Variants in SNX8 observed in about 807,000 individuals in gnomAD.
The protein encoded by SNX8 is sorting nexin-8.
In SNX8, 25 loss-of-function variants were observed where a neutral mutation model predicts 51.6. The observed-to-expected ratio is 0.48, with a 90% confidence interval of 0.35 to 0.68. The LOEUF is 0.68. Among genes scored for constraint, SNX8 ranks in the 30% least tolerant of loss-of-function variants. The pLI, the probability that SNX8 is intolerant of heterozygous loss-of-function variation, is 0.00. For synonymous variants in SNX8, 324 were observed against 277.0 expected, an observed-to-expected ratio of 1.17 and a Z score of -1.68; for missense variants, 695 against 624.0, an observed-to-expected ratio of 1.11 and a Z score of -1.21.
At chr7:2,352,785 G>A (rs919324338) in intron 1 of SNX8, among the ~76,000 whole-genome samples, 9 of 151,818 alleles carry the variant, frequency 5.9e-5, no homozygotes, top group African/African-American at 1.9e-4. Context: ...GCAGTGAGCC[G>A]AGATCGTGCC....
chr7:2,276,762 T>C (rs576277303), intron 2 of SNX8, among the ~76,000 whole-genome samples: 2 of 151,554 alleles, frequency 1.3e-5, no homozygotes, highest in East Asian at 3.9e-4. Flanking sequence ...CTGGACAATA[T>C]AGTGAGATCC....
In SNX8 at chr7:2,297,784, A is replaced by G. The variant is rs1796305597; in HGVS notation, c.94+16544T>C. On this transcript the variant is annotated intron_variant, in intron 1 of 10. Transcript: ENST00000222990. ...GCCATTATCCTAAGTGAAGTAACTC[A>G]GGATCAGAAACCCAAATACCACATG... Among the ~76,000 whole-genome samples the G allele has an allele frequency of 2.0e-5, 3 of 151,826 alleles. No individual in the cohort carries two copies. In the South Asian group the frequency reaches 6.2e-4, roughly 31 times the overall value.
upstream of SNX8, among the ~76,000 whole-genome samples, chr7:2,319,246 G>A (rs546257453): frequency 1.3e-5 from 2 of 152,106 alleles, no homozygotes; most frequent in South Asian, 2.1e-4. Context: ...AGAAGCTGAC[G>A]TGGGAGAACC....
chr7:2,342,932 C>T (rs1034491210), intron 1 of SNX8, among the ~76,000 whole-genome samples: 1 of 151,858 alleles, frequency 6.6e-6, no homozygotes, highest in Non-Finnish European at 1.5e-5. Context: ...ACACAATTCT[C>T]CTGCCTCAGG....
chr7:2,274,610 G>A (rs1795732080), intron 3 of SNX8, among the ~76,000 whole-genome samples: 1 of 152,232 alleles, frequency 6.6e-6, no homozygotes, highest in African/African-American at 2.4e-5. Flanking sequence ...GCAGCCGTGT[G>A]CTGCTTTTTC....
At chr7:2,301,204 T>C (rs1286900999) in intron 1 of SNX8, among the ~76,000 whole-genome samples, 1 of 152,222 alleles carries the variant, frequency 6.6e-6, no homozygotes, top group Non-Finnish European at 1.5e-5. Flanking sequence ...TGCCTACGAA[T>C]GGCTGCTTAA....
Position 2,267,684 on chromosome 7 carries a change from T to C in SNX8, c.621+1875A>G, listed in dbSNP as rs1467769122. ...CTACAACCTACACCTCCCAGCCGCC[T>C]GCCTTGGCCTCCCAAAGTGCCGAGA... On this transcript the variant is annotated intron_variant, in intron 5 of 10. Transcript: ENST00000222990. Among the ~76,000 whole-genome samples the C allele has an allele frequency of 3.4e-5, 5 of 149,238 alleles. No homozygotes were observed. In the Admixed American group the frequency reaches 3.4e-4, roughly 10 times the overall value.
intron 7 of SNX8, among the ~76,000 whole-genome samples, chr7:2,259,462 A>G (rs1195811594): frequency 1.2e-4 from 18 of 152,192 alleles, no homozygotes; most frequent in Admixed American, 1.2e-3. Context: ...TCAGCAGGAG[A>G]CGGGGCAGGC....
rs559916091 is a variant in SNX8, at chr7:2,353,800, T to G, written c.-66+422A>C. ...GAGATGAGGGCTGGCGTGCGGGGGG[T>G]GGTGGTGCTATGTTGGCAAGGCTGG... On this transcript the variant is annotated intron_variant, in intron 1 of 5. Transcript: ENST00000435336. Among the ~76,000 whole-genome samples, 550 of 151,674 alleles carry G rather than the reference T, an allele frequency of 3.6e-3. 3 individuals are homozygous for G. The highest frequency in any genetic ancestry group is 0.013 in the African/African-American group (520 of 41,312).
intron 1 of SNX8, among the ~76,000 whole-genome samples, chr7:2,282,537 C>G (rs1456475728): frequency 6.6e-6 from 1 of 152,212 alleles, no homozygotes; most frequent in African/African-American, 2.4e-5. Context: ...CAGAAGGTAA[C>G]GAAACTTCAA....
chr7:2,326,108 A>G (rs1333507793), intron 1 of SNX8, among the ~76,000 whole-genome samples: 1 of 152,200 alleles, frequency 6.6e-6, no homozygotes, highest in South Asian at 2.1e-4. Context: ...ACGGTGGCTC[A>G]TGCCTATAAT....
At chr7:2,261,346 T>C (rs1009648674) in intron 7 of SNX8, among the ~76,000 whole-genome samples, 1 of 152,130 alleles carries the variant, frequency 6.6e-6, no homozygotes, top group Non-Finnish European at 1.5e-5. Flanking sequence ...GGCAGGAGAA[T>C]CGCTTGAACC....
At chr7:2,304,676 CT>C (rs1417536480) in intron 1 of SNX8, among the ~76,000 whole-genome samples, 1 of 152,194 alleles carries the variant, frequency 6.6e-6, no homozygotes, top group Non-Finnish European at 1.5e-5. Context: ...TTCGCAGAAG[CT>C]TCCAGGAGTG....
At chr7:2,302,810 G>A (rs1168652685) in intron 1 of SNX8, among the ~76,000 whole-genome samples, 1 of 151,704 alleles carries the variant, frequency 6.6e-6, no homozygotes, top group Admixed American at 6.6e-5. Flanking sequence ...TCTGGGAGGT[G>A]AGGAGCGTCT....
chr7:2,312,960 C>G lies in SNX8; in HGVS notation c.94+1368G>C, dbSNP rs546257525. On this transcript the variant is annotated intron_variant, in intron 1 of 10. Transcript: ENST00000222990. ...TCGCCCAGGCTGGAGTGCAGTGGCGCTATCTCGGCTCACTACAAGCTCTGC... is the reference window on the plus strand; with the variant it reads ...TCGCCCAGGCTGGAGTGCAGTGGCGGTATCTCGGCTCACTACAAGCTCTGC... 8.5e-3 allele frequency among the ~76,000 whole-genome samples: 1,290 copies of G among 152,150 alleles called. 15 individuals are homozygous for G. Among genetic ancestry groups the G allele is most frequent in the African/African-American group, 0.029 (1,210 of 41,528 alleles).
intron 1 of SNX8, among the ~76,000 whole-genome samples, chr7:2,328,864 T>C (rs1004196727): frequency 6.6e-6 from 1 of 151,838 alleles, no homozygotes. Context: ...GGTGGGTGGA[T>C]CACAAGGTCA....
chr7:2,256,293 G>A (rs1325840555), intron 10 of SNX8, among the ~76,000 whole-genome samples: 1 of 152,176 alleles, frequency 6.6e-6, no homozygotes, highest in Non-Finnish European at 1.5e-5. Flanking sequence ...GACACTCGGT[G>A]CCATTCCACA....
At chr7:2,342,832 TA>T (rs1191951187) in intron 1 of SNX8, among the ~76,000 whole-genome samples, 4 of 151,998 alleles carry the variant, frequency 2.6e-5, no homozygotes, top group African/African-American at 9.7e-5. Flanking sequence ...ATTTATTTTT[TA>T]TTTTTTTGAG....
intron 5 of SNX8, among the ~76,000 whole-genome samples, chr7:2,268,907 G>A (rs1423613839): frequency 9.3e-6 from 1 of 108,064 alleles, no homozygotes; most frequent in African/African-American, 3.4e-5. Flanking sequence ...GGAGGTGGGG[G>A]GGGGTCAGCC....
Sources: gnomAD v4.1 joint callset for allele counts (sites outside exome capture counted in the v4.1 genomes callset) on GRCh38, gnomAD v4.1.1 for gene constraint, MANE v1.5 for transcripts, NCBI Gene and HGNC (gene_info 2026-07-23, HGNC 2026-07-21) for gene names.